Variants in CDH8 observed in about 807,000 individuals in gnomAD.
CDH8 encodes cadherin-8.
CDH8 carries 17 observed loss-of-function variants against 68.1 expected under a neutral mutation model. The observed-to-expected ratio is 0.25, with a 90% CI of 0.17 to 0.37. CDH8 has a LOEUF of 0.37. Ranked by LOEUF, CDH8 falls within the 10% of genes least tolerant of loss-of-function variation. The pLI is 1.00. For missense variants in CDH8, 763 were observed against 999.3 expected (o/e 0.76, Z 3.19); for synonymous variants, 372 against 365.1 (o/e 1.02, Z -0.21).
At chr16:61,679,397 T>C (rs368147677) in intron 10 of CDH8, among the ~76,000 whole-genome samples, 3 of 152,042 alleles carry the variant, frequency 2.0e-5, no homozygotes, top group African/African-American at 7.2e-5. Context: ...TAAGTTGTTA[T>C]CATTATACCA....
At chr16:61,838,783 T>G (rs987876392) in intron 4 of CDH8, among the ~76,000 whole-genome samples, 1 of 152,144 alleles carries the variant, frequency 6.6e-6, no homozygotes, top group Non-Finnish European at 1.5e-5. Flanking sequence ...CATTGTGGGC[T>G]AGAACAAAAG....
chr16:61,722,810 A>AC (rs922772561), intron 9 of CDH8, among the ~76,000 whole-genome samples: 8 of 150,764 alleles, frequency 5.3e-5, no homozygotes, highest in African/African-American at 1.9e-4. Context: ...TAATAAACAA[A>AC]CTTTATATTT....
intron 1 of CDH8, among the ~76,000 whole-genome samples, chr16:62,033,119 C>T (rs753313132): frequency 1.3e-5 from 2 of 152,224 alleles, no homozygotes; most frequent in African/African-American, 2.4e-5. Context: ...AGTACATTCA[C>T]ATCAGTCTTT....
rs140507915 is a variant in CDH8, at chr16:62,021,610, A to G, written c.-199-8T>C. ...TCTTTTCATTGAAATTTCCTGCAAA[A>G]ACAAGGAGGAAGAAAGATAAGGGTC... On this transcript the variant is annotated splice_region_variant and splice_polypyrimidine_tract_variant and intron_variant, in intron 1 of 11. Transcript: ENST00000577390. 1,509 of 1,333,072 alleles carry G rather than the reference A, an allele frequency of 1.1e-3. No homozygotes were observed. The highest frequency in any genetic ancestry group is 5.0e-3 in the Middle Eastern group (18 of 3,626). 82.6% of individuals were successfully genotyped at this position (1,333,072 alleles called of 1,614,324 possible).
At chr16:61,687,934 C>T (rs957217484) in intron 10 of CDH8, among the ~76,000 whole-genome samples, 11 of 151,998 alleles carry the variant, frequency 7.2e-5, no homozygotes, top group African/African-American at 2.4e-4. Flanking sequence ...CAGTTCCCAC[C>T]TCTTAAAGGT....
intron 9 of CDH8, 114 bp from the exon 10 acceptor site, chr16:61,714,072 T>C (rs1964678194): frequency 1.4e-6 from 1 of 732,162 alleles, no homozygotes; most frequent in African/African-American, 1.8e-5. Context: ...GAGACTCTTT[T>C]TCAGCTTTCT....
intron 2 of CDH8, among the ~76,000 whole-genome samples, chr16:61,984,228 A>G (rs1393863925): frequency 1.3e-5 from 2 of 152,122 alleles, no homozygotes; most frequent in Non-Finnish European, 2.9e-5. Flanking sequence ...CTTTATTTTA[A>G]TAAGGGCACT....
chr16:61,733,141 C>A (rs2142906913), intron 8 of CDH8, among the ~76,000 whole-genome samples: 1 of 151,702 alleles, frequency 6.6e-6, no homozygotes, highest in South Asian at 2.1e-4. Flanking sequence ...GAGGGGAAGG[C>A]AATAGAACTA....
chr16:61,820,269 C>T (rs1003877514), intron 6 of CDH8, among the ~76,000 whole-genome samples: 1 of 143,656 alleles, frequency 7.0e-6, no homozygotes. Flanking sequence ...CCTTCAGGGA[C>T]TAGAGAAAGC....
intron 10 of CDH8, among the ~76,000 whole-genome samples, chr16:61,711,036 G>T (rs1018592248): frequency 6.6e-6 from 1 of 151,688 alleles, no homozygotes; most frequent in Non-Finnish European, 1.5e-5. Flanking sequence ...TGGTATAAAA[G>T]GTTCACTGTA....
rs1263007916 is a variant in CDH8 at position 61,647,931 on chromosome 16, T to C, written c.*5677A>G. ...AATATCTATTATCTATTAGTAGGGA[T>C]ACTTGCAAGAAATAATACTTGCATT... On this transcript the variant is annotated 3_prime_UTR_variant, in exon 12 of 12. Transcript: ENST00000577390. 2.9e-6 allele frequency: 2 copies of C among 679,276 alleles called. No individual in the cohort carries two copies. Among genetic ancestry groups the C allele is most frequent in the South Asian group, 3.2e-5 (2 of 63,444 alleles). The allele number at this position is 679,276 out of a possible 1,614,324, so 42.1% of individuals were successfully genotyped here. A position where few individuals can be genotyped will look rare whatever the true frequency, so the allele number is the denominator to read the frequency against.
intron 1 of CDH8, among the ~76,000 whole-genome samples, chr16:62,021,997 C>A (rs1902086915): frequency 6.6e-6 from 1 of 152,070 alleles, no homozygotes; most frequent in Non-Finnish European, 1.5e-5. Context: ...GCTAACACAG[C>A]CCACTTGTCG....
intron 3 of CDH8, among the ~76,000 whole-genome samples, chr16:61,863,653 G>C (rs182410650): frequency 2.6e-5 from 4 of 152,208 alleles, no homozygotes; most frequent in Non-Finnish European, 4.4e-5. Flanking sequence ...CATTTGCAAA[G>C]AGTCATTTGC....
At chr16:62,023,395 G>C (rs1902120857) in intron 1 of CDH8, among the ~76,000 whole-genome samples, 1 of 152,126 alleles carries the variant, frequency 6.6e-6, no homozygotes, top group Non-Finnish European at 1.5e-5. Flanking sequence ...TGATGGACAA[G>C]ATAGTCAAGT....
At chr16:61,967,884 T>C (rs1163276539) in intron 2 of CDH8, among the ~76,000 whole-genome samples, 3 of 152,172 alleles carry the variant, frequency 2.0e-5, no homozygotes, top group Admixed American at 2.0e-4. Flanking sequence ...TCTTGGCTCA[T>C]AGCAACCTCC....
intron 8 of CDH8, among the ~76,000 whole-genome samples, chr16:61,739,749 G>T (rs1411243261): frequency 1.4e-5 from 2 of 146,698 alleles, no homozygotes; most frequent in East Asian, 2.0e-4. Flanking sequence ...GAAAAGAAAA[G>T]AAAAGAAAAG....
chr16:62,005,875 G>A (rs1965966496), intron 2 of CDH8, among the ~76,000 whole-genome samples: 1 of 152,166 alleles, frequency 6.6e-6, no homozygotes, highest in African/African-American at 2.4e-5. Flanking sequence ...CATGTGATTG[G>A]GTGGTGCACG....
At chr16:61,866,094 G>T in intron 3 of CDH8, among the ~76,000 whole-genome samples, 1 of 5,514 alleles carries the variant, frequency 1.8e-4, no homozygotes, top group South Asian at 0.014. Flanking sequence ...GTGTGCACCT[G>T]TAGTCCCAGC....
At chr16:61,864,875 C>A (rs528859188) in intron 3 of CDH8, among the ~76,000 whole-genome samples, 1 of 152,266 alleles carries the variant, frequency 6.6e-6, no homozygotes, top group African/African-American at 2.4e-5. Context: ...GAAGATCAAA[C>A]CCTTCTCTTT....
Sources: gnomAD v4.1 joint callset for allele counts (sites outside exome capture counted in the v4.1 genomes callset) on GRCh38, gnomAD v4.1.1 for gene constraint, MANE v1.5 for transcripts, NCBI Gene and HGNC (gene_info 2026-07-23, HGNC 2026-07-21) for gene names.